LNX2: variants seen among roughly 807,000 people sequenced by gnomAD.
LNX2 encodes ligand of Numb protein X 2.
Under a neutral mutation model 66.2 loss-of-function variants are expected in LNX2, and 35 were observed. The observed-to-expected ratio is 0.53, with a 90% confidence interval of 0.40 to 0.70. The LOEUF (loss-of-function observed/expected upper bound fraction) is 0.70. Ranked by LOEUF, LNX2 falls within the 30% of genes least tolerant of loss-of-function variation. The pLI is 0.00. For missense variants in LNX2, 791 were observed against 850.8 expected (o/e 0.93, Z 0.87); for synonymous variants, 337 against 315.6 (o/e 1.07, Z -0.72).
chr13:27,581,236 T>A, intron 2 of LNX2, 61 bp downstream of exon 2: 2 of 1,359,444 alleles, frequency 1.5e-6, no homozygotes, highest in Non-Finnish European at 1.9e-6. Context: ...CAAGTTTTTA[T>A]GTTCATTTGA....
At chr13:27,557,299 T>A (rs1175414084) in intron 6 of LNX2, among the ~76,000 whole-genome samples, 1 of 152,042 alleles carries the variant, frequency 6.6e-6, no homozygotes, top group East Asian at 1.9e-4. Context: ...GAAACAAACT[T>A]AGGGAGGTCA....
intron 1 of LNX2, among the ~76,000 whole-genome samples, chr13:27,587,294 CT>C (rs961709286): frequency 6.6e-6 from 1 of 152,154 alleles, no homozygotes; most frequent in African/African-American, 2.4e-5. Flanking sequence ...CGCTCCCCCC[CT>C]TCCCTTCTGC....
chr13:27,572,174 G>A (rs918382038), intron 2 of LNX2, among the ~76,000 whole-genome samples: 2 of 152,018 alleles, frequency 1.3e-5, no homozygotes, highest in Non-Finnish European at 2.9e-5. Flanking sequence ...CAGAACGTTG[G>A]GGCTAGAAGG....
intron 4 of LNX2, 50 bp from the exon 5 acceptor site, chr13:27,562,831 A>C: frequency 6.4e-7 from 1 of 1,552,046 alleles, no homozygotes; most frequent in South Asian, 1.2e-5. Flanking sequence ...TATTTTTCCA[A>C]TTTGTAGGAA....
At chr13:27,566,599 T>C (rs1436630058) in intron 4 of LNX2, among the ~76,000 whole-genome samples, 1 of 152,136 alleles carries the variant, frequency 6.6e-6, no homozygotes. Flanking sequence ...TGGCAGTGAT[T>C]GTTTCAGATT....
intron 2 of LNX2, among the ~76,000 whole-genome samples, chr13:27,575,266 A>T (rs1272502072): frequency 2.6e-5 from 4 of 152,224 alleles, no homozygotes; most frequent in Non-Finnish European, 5.9e-5. Flanking sequence ...TAATAATAAT[A>T]GCACACAGGA....
intron 1 of LNX2, among the ~76,000 whole-genome samples, chr13:27,595,912 A>G (rs1955591686): frequency 6.6e-6 from 1 of 152,212 alleles, no homozygotes; most frequent in African/African-American, 2.4e-5. Flanking sequence ...AATCTGCTGT[A>G]GGCTGAGTAT....
At chr13:27,566,693 G>A (rs925174457) in intron 4 of LNX2, among the ~76,000 whole-genome samples, 1 of 152,142 alleles carries the variant, frequency 6.6e-6, no homozygotes, top group South Asian at 2.1e-4. Context: ...CTAGACTCAA[G>A]AAGTGGCAGG....
chr13:27,593,003 G>C lies in LNX2; in HGVS notation c.-100-11200C>G, dbSNP rs114346298. 3.2e-3 allele frequency among the ~76,000 whole-genome samples: 480 copies of C among 152,228 alleles called. 2 individuals are homozygous for C. The highest frequency in any genetic ancestry group is 0.011 in the African/African-American group (457 of 41,544). On this transcript the variant is annotated intron_variant, in intron 1 of 9. Coordinates refer to ENST00000316334, the MANE Select transcript of LNX2 (RefSeq NM_153371.4). Reference sequence around the variant, plus strand: ...AGTTAAGAGCATAGACAATTCTTTTGAGAAAATATGCTAAATGAAAAGGGG... The same window carrying C: ...AGTTAAGAGCATAGACAATTCTTTTCAGAAAATATGCTAAATGAAAAGGGG...
intron 6 of LNX2, 87 bp from the exon 7 acceptor site, chr13:27,556,500 C>A (rs993497999): frequency 9.4e-7 from 1 of 1,063,368 alleles, no homozygotes; most frequent in African/African-American, 1.6e-5. Flanking sequence ...TAATAACTTA[C>A]ATGGCATTTA....
chr13:27,555,735 T>C (rs78435787), intron 7 of LNX2, among the ~76,000 whole-genome samples: 2,623 of 152,274 alleles, frequency 0.017, 62 homozygotes, highest in South Asian at 0.11. Flanking sequence ...ACAAACTAAG[T>C]CAATGGAGAC....
intron 1 of LNX2, among the ~76,000 whole-genome samples, chr13:27,586,117 G>C (rs907070621): frequency 6.8e-6 from 1 of 148,004 alleles, no homozygotes; most frequent in Non-Finnish European, 1.5e-5. Context: ...ATATATATAC[G>C]TATATATATA....
intron 6 of LNX2, among the ~76,000 whole-genome samples, chr13:27,557,942 AG>A (rs771853158): frequency 6.6e-6 from 1 of 152,086 alleles, no homozygotes; most frequent in East Asian, 1.9e-4. Context: ...TCATTTAAGC[AG>A]GTTCAGCCCT....
At chr13:27,594,866 T>C (rs1048137169) in intron 1 of LNX2, among the ~76,000 whole-genome samples, 2 of 152,124 alleles carry the variant, frequency 1.3e-5, no homozygotes, top group East Asian at 3.9e-4. Flanking sequence ...CCTCTCTCAG[T>C]TATTTGTTGC....
chr13:27,592,490 G>T (rs1214816478), intron 1 of LNX2, among the ~76,000 whole-genome samples: 1 of 152,164 alleles, frequency 6.6e-6, no homozygotes, highest in Non-Finnish European at 1.5e-5. Context: ...GTAAAATTTG[G>T]ACTGCCTGTT....
At position 27,548,364 on chromosome 13, in the gene LNX2, C is replaced by G; in HGVS notation, c.2044G>C (p.Val682Leu). Reference protein sequence around the residue: ...KEQRNKVTLTVICWPGSLV With the variant: ...KEQRNKVTLTLICWPGSLV Reference sequence around the variant, plus strand: ...ACAAGGCTGCCAGGCCAACAAATAACGGTCAGAGTGACTTTGTTCCTCTGC... The same window carrying G: ...ACAAGGCTGCCAGGCCAACAAATAAGGGTCAGAGTGACTTTGTTCCTCTGC... Residue 682 changes from valine to leucine, a missense_variant, in exon 10 of 10, where the codon GTT (valine) becomes CTT (leucine). Physicochemically the swap from Val to Leu is conservative, Grantham distance 32 (BLOSUM62 1). Coordinates refer to ENST00000316334, the MANE Select transcript of LNX2 (RefSeq NM_153371.4). 1 of 1,613,828 alleles carries G rather than the reference C, an allele frequency of 6.2e-7. No individual in the cohort carries two copies. Among genetic ancestry groups the G allele is most frequent in the South Asian group, 1.1e-5 (1 of 91,028 alleles).
intron 4 of LNX2, among the ~76,000 whole-genome samples, chr13:27,565,833 G>A (rs1160192577): frequency 2.0e-5 from 3 of 152,168 alleles, no homozygotes; most frequent in African/African-American, 7.2e-5. Context: ...ACAAGCGGGA[G>A]TGGAAATCAA....
chr13:27,594,296 T>C (rs1369334864), intron 1 of LNX2, among the ~76,000 whole-genome samples: 1 of 152,226 alleles, frequency 6.6e-6, no homozygotes, highest in Non-Finnish European at 1.5e-5. Context: ...TATTGAATTG[T>C]ACTGTTTTTC....
chr13:27,590,907 A>T (rs1398609801), intron 1 of LNX2, among the ~76,000 whole-genome samples: 1 of 152,216 alleles, frequency 6.6e-6, no homozygotes, highest in Non-Finnish European at 1.5e-5. Context: ...CAATAATTTA[A>T]AAAGCATATT....
Sources: allele counts gnomAD v4.1 joint callset (sites outside exome capture counted in the v4.1 genomes callset), GRCh38; gene constraint gnomAD v4.1.1; transcripts MANE v1.5; gene names NCBI Gene and HGNC (gene_info 2026-07-23, HGNC 2026-07-21).